CNST: variants seen among roughly 807,000 people sequenced by gnomAD.
CNST encodes the protein consortin, connexin sorting protein, also known as consortin.
CNST carries 39 observed loss-of-function variants against 72.4 expected under a neutral mutation model. The observed-to-expected ratio is 0.54, with a 90% CI of 0.42 to 0.70. The LOEUF is 0.70. CNST is among the 30% of genes least tolerant of loss of function. The probability of loss-of-function intolerance (pLI) is 0.00; values close to 1 mark genes in which losing one functional copy is unlikely to be tolerated. For synonymous variants in CNST, 332 were observed against 320.1 expected, an observed-to-expected ratio of 1.04 and a Z score of -0.40; for missense variants, 871 against 868.5, an observed-to-expected ratio of 1.00 and a Z score of -0.04.
chr1:246,618,752 A>G (rs1350415127), intron 2 of CNST, among the ~76,000 whole-genome samples: 1 of 152,162 alleles, frequency 6.6e-6, no homozygotes, highest in African/African-American at 2.4e-5. Flanking sequence ...TATCAGTAAC[A>G]TTGAATATTA....
chr1:246,621,428 G>A lies in CNST; in HGVS notation c.380-1G>A. ...ATAGGCATTTTCTTTACTTCTTAAA[G>A]GACTTTTTTCAGGAGATATTGCACC... On this transcript the variant is annotated splice_acceptor_variant, in intron 2 of 10. Transcript: ENST00000366513. LOFTEE classifies it high-confidence loss of function. 6.2e-7 allele frequency: 1 copy of A among 1,610,500 alleles called. No individual in the cohort carries two copies. The highest frequency in any genetic ancestry group is 8.5e-7 in the Non-Finnish European group (1 of 1,177,672).
chr1:246,642,120 T>G, intron 8 of CNST, 83 bp downstream of exon 8: 1 of 523,074 alleles, frequency 1.9e-6, no homozygotes, highest in Non-Finnish European at 3.2e-6. Context: ...TCTGAATTGC[T>G]GCAAAGGATC....
intron 2 of CNST, among the ~76,000 whole-genome samples, chr1:246,611,370 C>T (rs1663307532): frequency 6.6e-6 from 1 of 152,034 alleles, no homozygotes; most frequent in African/African-American, 2.4e-5. Context: ...GTGAAAGCCT[C>T]AGAGTTTGAA....
chr1:246,600,057 T>C (rs1210530112), intron 2 of CNST, among the ~76,000 whole-genome samples: 2 of 152,156 alleles, frequency 1.3e-5, no homozygotes, highest in Non-Finnish European at 2.9e-5. Context: ...AGTTGGTATC[T>C]AAGCTGAGTT....
intron 1 of CNST, among the ~76,000 whole-genome samples, chr1:246,578,853 G>C: frequency 6.6e-6 from 1 of 152,142 alleles, no homozygotes; most frequent in East Asian, 1.9e-4. Context: ...GAGCCAGTCT[G>C]CCTAGGTTGA....
chr1:246,601,996 T>C (rs1203883964), intron 2 of CNST, among the ~76,000 whole-genome samples: 1 of 152,110 alleles, frequency 6.6e-6, no homozygotes, highest in African/African-American at 2.4e-5. Context: ...GTGGAAAGCT[T>C]AGTTAAGGGT....
chr1:246,632,196 GA>G (rs997344728), intron 4 of CNST: 42 of 317,054 alleles, frequency 1.3e-4, no homozygotes, highest in African/African-American at 7.8e-4. Context: ...TTTTTTGAAG[GA>G]AAATTTGTAT....
chr1:246,643,409 G>T (rs1665847515), intron 8 of CNST, among the ~76,000 whole-genome samples: 1 of 152,188 alleles, frequency 6.6e-6, no homozygotes, highest in South Asian at 2.1e-4. Flanking sequence ...CAGTTTGGGT[G>T]TGAACGTGTC....
intron 2 of CNST, among the ~76,000 whole-genome samples, chr1:246,620,877 T>C (rs1664047807): frequency 6.7e-6 from 1 of 149,956 alleles, no homozygotes; most frequent in Admixed American, 6.6e-5. Flanking sequence ...CAGTCATGCG[T>C]ACACACTATG....
At chr1:246,660,878 C>A (rs1019013206) in intron 10 of CNST, among the ~76,000 whole-genome samples, 3 of 152,170 alleles carry the variant, frequency 2.0e-5, no homozygotes, top group Non-Finnish European at 4.4e-5. Flanking sequence ...CAACTTGTGG[C>A]CTCCCTGTTC....
intron 9 of CNST, among the ~76,000 whole-genome samples, chr1:246,657,476 G>A (rs112674579): frequency 3.5e-4 from 53 of 152,310 alleles, no homozygotes; most frequent in African/African-American, 1.1e-3. Flanking sequence ...AAAAAAAGGC[G>A]TGGTTCGATT....
At chr1:246,583,815 T>C (rs1010506865) in intron 1 of CNST, among the ~76,000 whole-genome samples, 2 of 152,236 alleles carry the variant, frequency 1.3e-5, no homozygotes, top group African/African-American at 4.8e-5. Context: ...AGTGTTCCTC[T>C]GAATGTGGGG....
At chr1:246,595,931 T>C (rs1661849160) in intron 2 of CNST, among the ~76,000 whole-genome samples, 1 of 152,218 alleles carries the variant, frequency 6.6e-6, no homozygotes. Flanking sequence ...CTAATAGTCA[T>C]GTCATTAGGA....
chr1:246,609,195 A>G (rs902040145), intron 2 of CNST, among the ~76,000 whole-genome samples: 1 of 152,194 alleles, frequency 6.6e-6, no homozygotes, highest in East Asian at 1.9e-4. Flanking sequence ...TTTCAGTCAT[A>G]ATACCCGTGT....
At chr1:246,598,892 GTACATACCACAC>G (rs1662069617) in intron 2 of CNST, among the ~76,000 whole-genome samples, 1 of 152,194 alleles carries the variant, frequency 6.6e-6, no homozygotes. Flanking sequence ...TCCCTTAGGA[GTACATACCACAC>G]TTTCAGAATT....
At chr1:246,636,567 C>G (rs1246219579) in intron 6 of CNST, among the ~76,000 whole-genome samples, 2 of 152,136 alleles carry the variant, frequency 1.3e-5, no homozygotes, top group African/African-American at 4.8e-5. Flanking sequence ...GGAAATACCA[C>G]GGGTGATTTT....
intron 6 of CNST, among the ~76,000 whole-genome samples, chr1:246,636,421 C>T (rs1445688432): frequency 6.6e-6 from 1 of 152,018 alleles, no homozygotes; most frequent in Non-Finnish European, 1.5e-5. Flanking sequence ...CCACTGTTCA[C>T]TCCTGCGGGC....
At chr1:246,586,584 AG>A (rs768374529) in intron 1 of CNST, among the ~76,000 whole-genome samples, 3 of 151,788 alleles carry the variant, frequency 2.0e-5, no homozygotes, top group Non-Finnish European at 2.9e-5. Flanking sequence ...ATGTTGGTTC[AG>A]TAAGTATCTG....
At chr1:246,604,900 C>T (rs1662602906) in intron 2 of CNST, among the ~76,000 whole-genome samples, 1 of 152,192 alleles carries the variant, frequency 6.6e-6, no homozygotes, top group Non-Finnish European at 1.5e-5. Context: ...GACTCCTGAC[C>T]TCATGATTCG....
Sources: gnomAD v4.1 joint callset for allele counts (sites outside exome capture counted in the v4.1 genomes callset) on GRCh38, gnomAD v4.1.1 for gene constraint, MANE v1.5 for transcripts, NCBI Gene and HGNC (gene_info 2026-07-23, HGNC 2026-07-21) for gene names.